ADCY10: variants seen among roughly 807,000 people sequenced by gnomAD.
ADCY10 encodes the protein adenylate cyclase type 10.
ADCY10 carries 156 observed loss-of-function variants against 183.3 expected under a neutral mutation model. The ratio of observed to expected loss-of-function variants is 0.85; its 90% CI spans 0.75 to 0.97. The LOEUF (loss-of-function observed/expected upper bound fraction) is 0.97, where lower values mean the gene tolerates loss of function less well. Among genes scored for constraint, ADCY10 ranks in the 50% least tolerant of loss-of-function variants. The pLI, the probability that ADCY10 is intolerant of heterozygous loss-of-function variation, is 0.00. For missense variants in ADCY10, 1,745 were observed against 1,934.3 expected (o/e 0.90, Z 1.84); for synonymous variants, 645 against 670.0 (o/e 0.96, Z 0.58).
At chr1:167,864,794 TC>T (rs1457559668) in intron 14 of ADCY10, among the ~76,000 whole-genome samples, 1 of 151,590 alleles carries the variant, frequency 6.6e-6, no homozygotes, top group Non-Finnish European at 1.5e-5. Context: ...CAAGGGCGTA[TC>T]CCGAAAGCAC....
At chr1:167,870,541 C>A (rs898702981) in intron 13 of ADCY10, 131 bp from the exon 14 acceptor site, 1 of 807,854 alleles carries the variant, frequency 1.2e-6, no homozygotes, top group Non-Finnish European at 2.0e-6. Flanking sequence ...TCCTGTAATC[C>A]CAGCACTTTG....
chr1:167,893,919 C>A lies in ADCY10; in HGVS notation c.762G>T (p.Thr254=), dbSNP rs754251828. 2.5e-6 allele frequency: 4 copies of A among 1,613,396 alleles called. No individual in the cohort carries two copies. Among genetic ancestry groups the A allele is most frequent in the Middle Eastern group, 3.3e-4 (2 of 6,060 alleles). Residue 254 remains threonine, a synonymous_variant, in exon 8 of 33, where the codon ACG becomes ACT. Transcript: ENST00000367851. ...EHKNLLRLAC[T]LKPDPELEMS... is the part of the protein sequence containing the mutation. The stretch of plus-strand genomic sequence containing the variant: ...TCTCCAGTTCAGGATCAGGCTTCAG[C>A]GTGCATGCAAGCCTCAGGAGGTCTA...
intron 18 of ADCY10, among the ~76,000 whole-genome samples, chr1:167,851,149 T>C (rs530715609): frequency 6.6e-6 from 1 of 152,254 alleles, no homozygotes; most frequent in East Asian, 1.9e-4. Flanking sequence ...TACTTTACTC[T>C]GTATTTTCTA....
At chr1:167,901,025 A>AAG (rs1669382891) in intron 5 of ADCY10, among the ~76,000 whole-genome samples, 2 of 152,230 alleles carry the variant, frequency 1.3e-5, no homozygotes, top group Admixed American at 6.5e-5. Context: ...TATACCTCTC[A>AAG]GAATCTCATT....
chr1:167,833,822 G>GC, intron 24 of ADCY10, 148 bp downstream of exon 24: 1 of 669,878 alleles, frequency 1.5e-6, no homozygotes, highest in Non-Finnish European at 2.7e-6. Context: ...GGAGGTTGGA[G>GC]CCCAGGGATT....
intron 8 of ADCY10, among the ~76,000 whole-genome samples, chr1:167,888,694 G>A (rs1479690042): frequency 1.3e-5 from 2 of 152,030 alleles, no homozygotes; most frequent in Non-Finnish European, 2.9e-5. Flanking sequence ...GGCTAACACG[G>A]TGAAACCTCG....
rs1664192065 is a variant in ADCY10 at position 167,836,341 on chromosome 1, A to G, written c.3277T>C (p.Ser1093Pro). The change falls in exon 23 of 33, where the codon TCT becomes CCT. Residue 1093 changes from serine (S) to proline (P), a missense_variant. Physicochemically the swap from Ser to Pro is moderately conservative, Grantham distance 74 (BLOSUM62 -1). Coordinates refer to ENST00000367851, the MANE Select transcript of ADCY10 (RefSeq NM_018417.6). ...TTATCACAAAAGATGAGATAAGCAGATGCAATTTCTAAGAAGTAATATAAG... is the reference window on the plus strand; with the variant it reads ...TTATCACAAAAGATGAGATAAGCAGGTGCAATTTCTAAGAAGTAATATAAG... ...KALYYFLEIA[S>P]AYLIFCDNYM... 6.2e-7 allele frequency: 1 copy of G among 1,613,942 alleles called. No homozygotes were observed. Among genetic ancestry groups the G allele is most frequent in the South Asian group, 1.1e-5 (1 of 91,076 alleles).
chr1:167,840,102 T>C (rs1376586120), intron 21 of ADCY10, among the ~76,000 whole-genome samples: 1 of 151,102 alleles, frequency 6.6e-6, no homozygotes, highest in Non-Finnish European at 1.5e-5. Flanking sequence ...CATGGTGGCA[T>C]GTGCCTGTAG....
intron 16 of ADCY10, among the ~76,000 whole-genome samples, chr1:167,858,906 G>A (rs79427315): frequency 8.9e-6 from 1 of 112,554 alleles, no homozygotes; most frequent in South Asian, 3.3e-4. Context: ...AGGAAAAAAT[G>A]ATAAGAGCCT....
intron 18 of ADCY10, among the ~76,000 whole-genome samples, chr1:167,848,699 G>A (rs191926802): frequency 1.3e-5 from 2 of 151,988 alleles, no homozygotes; most frequent in East Asian, 3.9e-4. Context: ...CGCCCAGGCT[G>A]GAGTGCAGTG....
At chr1:167,892,688 T>A (rs1372091812) in intron 8 of ADCY10, among the ~76,000 whole-genome samples, 1 of 152,148 alleles carries the variant, frequency 6.6e-6, no homozygotes, top group East Asian at 1.9e-4. Flanking sequence ...GGGCTGAAGG[T>A]GGCAGGGTGC....
Position 167,848,372 on chromosome 1 carries a change from G to A in ADCY10, c.2426C>T (p.Thr809Met), listed in dbSNP as rs772112208. The A allele has an allele frequency of 1.8e-5, 29 of 1,613,632 alleles. No individual in the cohort carries two copies. Among genetic ancestry groups the A allele is most frequent in the East Asian group, 2.2e-5 (1 of 44,860 alleles). The change falls in exon 19 of 33, where the codon ACG (threonine) becomes ATG (methionine). Residue 809 changes from threonine to methionine, a missense_variant. Thr to Met is a moderately conservative substitution (Grantham distance 81). Coordinates refer to ENST00000367851, the MANE Select transcript of ADCY10 (RefSeq NM_018417.6). ...GVRLKNLSPPTSLKEISLIQL... is the reference protein window; with the variant it reads ...GVRLKNLSPPMSLKEISLIQL... The stretch of plus-strand genomic sequence containing the variant: ...CCAGATTTTCTTACCTTTTAATGAC[G>A]TTGGAGGTGACAGGTTTTTCAGTCT...
At chr1:167,827,401 T>A (rs1225351873) in intron 26 of ADCY10, among the ~76,000 whole-genome samples, 1 of 150,434 alleles carries the variant, frequency 6.6e-6, no homozygotes, top group Non-Finnish European at 1.5e-5. Flanking sequence ...CTCCTTACCT[T>A]GTGATCCGCC....
At chr1:167,810,230 CT>C in intron 32 of ADCY10, among the ~76,000 whole-genome samples, 1 of 152,238 alleles carries the variant, frequency 6.6e-6, no homozygotes, top group African/African-American at 2.4e-5. Flanking sequence ...ACCATGAGAA[CT>C]TAAAGGGGAA....
At position 167,881,561 on chromosome 1, in the gene ADCY10, T is replaced by C. The variant is rs891646367; in HGVS notation, c.1021-952A>G. ...CAGGGAGCTTTTGCCTGCAAATTTA[T>C]GTAGCGGCCTGGCAAGAGCTTTTGA... On this transcript the variant is annotated intron_variant, in intron 9 of 32. Coordinates refer to ENST00000367851, the MANE Select transcript of ADCY10 (RefSeq NM_018417.6). 6.6e-5 allele frequency among the ~76,000 whole-genome samples: 10 copies of C among 152,358 alleles called. 1 individual carries two copies. The highest frequency in any genetic ancestry group is 2.0e-4 in the Admixed American group (3 of 15,300).
chr1:167,827,720 T>A (rs919236329), intron 26 of ADCY10, among the ~76,000 whole-genome samples: 10 of 138,476 alleles, frequency 7.2e-5, no homozygotes, highest in South Asian at 2.4e-4. Context: ...AAAAAAAAAA[T>A]TTTTTTTTTT....
rs762344460 is a variant in ADCY10 at position 167,845,523 on chromosome 1, C to T, written c.3007+40G>A. On this transcript the variant is annotated intron_variant, in intron 21 of 32. Coordinates refer to ENST00000367851, the MANE Select transcript of ADCY10 (RefSeq NM_018417.6). ...TTCTAGATCTTAGTCTCTAGATTTC[C>T]CAAGAACAGTTAGGATAATTTTAAA... 6.8e-6 allele frequency: 11 copies of T among 1,607,328 alleles called. No individual in the cohort carries two copies. In the South Asian group the frequency reaches 1.1e-4, roughly 16 times the overall value.
chr1:167,823,080 A>G lies in ADCY10; in HGVS notation c.4096T>C (p.Ser1366Pro). 1.2e-6 allele frequency: 2 copies of G among 1,614,202 alleles called. No homozygotes were observed. Among genetic ancestry groups the G allele is most frequent in the Non-Finnish European group, 1.7e-6 (2 of 1,180,034 alleles). The change falls in exon 29 of 33, where the codon TCT becomes CCT. Residue 1366 changes from serine to proline, a missense_variant. Transcript: ENST00000367851. ...IQVLGRLWEL[S>P]VTQEHIFSKA... is the part of the protein sequence containing the mutation. Reference sequence around the variant, plus strand: ...CTGAAGATGTGTTCCTGTGTTACAGAAAGCTCCCACAGCCGCCCCAGCACC... The same window carrying G: ...CTGAAGATGTGTTCCTGTGTTACAGGAAGCTCCCACAGCCGCCCCAGCACC...
At chr1:167,906,038 T>G (rs969225720) in intron 1 of ADCY10, among the ~76,000 whole-genome samples, 1 of 152,190 alleles carries the variant, frequency 6.6e-6, no homozygotes, top group African/African-American at 2.4e-5. Flanking sequence ...GAAAAGGAAC[T>G]GTTATTTTTG....
Sources: gnomAD v4.1 joint callset for allele counts (sites outside exome capture counted in the v4.1 genomes callset) on GRCh38, gnomAD v4.1.1 for gene constraint, MANE v1.5 for transcripts, NCBI Gene and HGNC (gene_info 2026-07-23, HGNC 2026-07-21) for gene names.